The following RAB3C variants were observed in gnomAD, a reference collection of about 807,000 sequenced individuals.
RAB3C encodes ras-related protein Rab-3C.
Under a neutral mutation model 26.4 loss-of-function variants are expected in RAB3C, and 17 were observed. The ratio of observed to expected loss-of-function variants is 0.64; its 90% confidence interval spans 0.44 to 0.97. The LOEUF is 0.97. Among genes scored for constraint, RAB3C ranks in the 50% least tolerant of loss-of-function variants. RAB3C has a pLI of 0.00. For missense variants in RAB3C, 242 were observed against 281.9 expected (o/e 0.86, Z 1.01); for synonymous variants, 91 against 95.9 (o/e 0.95, Z 0.30).
intron 4 of RAB3C, among the ~76,000 whole-genome samples, chr5:58,833,581 TG>T (rs928775524): frequency 5.3e-5 from 8 of 152,094 alleles, no homozygotes; most frequent in African/African-American, 1.9e-4. Context: ...TGGAGGTACC[TG>T]GCCTGAGTAA....
chr5:58,737,211 G>T (rs184381926), intron 3 of RAB3C, among the ~76,000 whole-genome samples: 4 of 151,586 alleles, frequency 2.6e-5, no homozygotes, highest in Non-Finnish European at 4.4e-5. Flanking sequence ...CTACCTGGAA[G>T]TTTTTTCCCT....
At chr5:58,822,626 A>G (rs1743368820) in intron 3 of RAB3C, 2 of 319,674 alleles carry the variant, frequency 6.3e-6, no homozygotes, top group South Asian at 3.5e-5. Flanking sequence ...CAGGATAAAA[A>G]TAAATACAAC....
At chr5:58,719,729 A>G (rs1740701867) in intron 2 of RAB3C, among the ~76,000 whole-genome samples, 1 of 151,930 alleles carries the variant, frequency 6.6e-6, no homozygotes, top group South Asian at 2.1e-4. Flanking sequence ...CTCTGCCTTT[A>G]CATGGCTTTC....
intron 3 of RAB3C, among the ~76,000 whole-genome samples, chr5:58,764,091 A>G (rs745665763): frequency 4.6e-5 from 7 of 152,242 alleles, no homozygotes; most frequent in Non-Finnish European, 8.8e-5. Context: ...GGTATCATAT[A>G]TCAAATTTTG....
intron 3 of RAB3C, among the ~76,000 whole-genome samples, chr5:58,727,961 A>G (rs1019374330): frequency 1.3e-5 from 2 of 151,954 alleles, no homozygotes; most frequent in Non-Finnish European, 2.9e-5. Flanking sequence ...TAAACCATTC[A>G]TTGTTTCTGA....
chr5:58,724,386 A>C (rs570463353), intron 2 of RAB3C, among the ~76,000 whole-genome samples: 1 of 151,824 alleles, frequency 6.6e-6, no homozygotes, highest in Non-Finnish European at 1.5e-5. Context: ...TCAAACATAC[A>C]TACAAAGCAG....
chr5:58,767,680 G>A (rs554163982), intron 3 of RAB3C, among the ~76,000 whole-genome samples: 15 of 152,262 alleles, frequency 9.9e-5, no homozygotes, highest in African/African-American at 2.9e-4. Flanking sequence ...ACTAGCATTC[G>A]TTAGGTACTC....
chr5:58,793,290 G>A (rs1008492286), intron 3 of RAB3C, among the ~76,000 whole-genome samples: 3 of 152,164 alleles, frequency 2.0e-5, no homozygotes, highest in African/African-American at 7.2e-5. Context: ...CGGGCGCGGT[G>A]GCTCGTGCCT....
At chr5:58,585,060 A>T (rs1024218281) in intron 1 of RAB3C, among the ~76,000 whole-genome samples, 1 of 152,064 alleles carries the variant, frequency 6.6e-6, no homozygotes, top group African/African-American at 2.4e-5. Flanking sequence ...TCATATTTAT[A>T]ATGTATTTTT....
chr5:58,729,691 A>G (rs879879046), intron 3 of RAB3C, among the ~76,000 whole-genome samples: 24 of 148,016 alleles, frequency 1.6e-4, no homozygotes, highest in Non-Finnish European at 2.5e-4. Context: ...GTGTTACATA[A>G]TGTACATTGT....
chr5:58,786,400 A>G (rs765829425), intron 3 of RAB3C, among the ~76,000 whole-genome samples: 17 of 151,970 alleles, frequency 1.1e-4, no homozygotes, highest in Non-Finnish European at 2.5e-4. Context: ...TATAGGTGCA[A>G]TCTTGGTGGG....
chr5:58,805,282 G>A (rs1446636629), intron 3 of RAB3C, among the ~76,000 whole-genome samples: 2 of 152,022 alleles, frequency 1.3e-5, no homozygotes, highest in African/African-American at 4.8e-5. Flanking sequence ...AGAGCCAAAT[G>A]GGCAGTATAG....
chr5:58,588,679 T>G (rs747987099), intron 1 of RAB3C, among the ~76,000 whole-genome samples: 5 of 152,098 alleles, frequency 3.3e-5, no homozygotes, highest in African/African-American at 4.8e-5. Flanking sequence ...TAGTGCCTTT[T>G]GGTGAGGATT....
intron 2 of RAB3C, among the ~76,000 whole-genome samples, chr5:58,655,608 A>G (rs1384905584): frequency 6.6e-6 from 1 of 152,146 alleles, no homozygotes; most frequent in East Asian, 1.9e-4. Context: ...TTTTTTTTAA[A>G]AAGAGCAAGG....
At chr5:58,649,829 T>C (rs1040348069) in intron 2 of RAB3C, among the ~76,000 whole-genome samples, 1 of 152,172 alleles carries the variant, frequency 6.6e-6, no homozygotes, top group Non-Finnish European at 1.5e-5. Flanking sequence ...AACACATCTC[T>C]GCTAACGTTT....
At chr5:58,742,619 T>G (rs1741300498) in intron 3 of RAB3C, among the ~76,000 whole-genome samples, 1 of 152,242 alleles carries the variant, frequency 6.6e-6, no homozygotes, top group African/African-American at 2.4e-5. Flanking sequence ...TGCTTTGTTA[T>G]CATTTAAATT....
At chr5:58,677,578 T>A (rs1314481854) in intron 2 of RAB3C, among the ~76,000 whole-genome samples, 5 of 152,216 alleles carry the variant, frequency 3.3e-5, no homozygotes, top group Non-Finnish European at 7.3e-5. Context: ...CTCCAGAGCC[T>A]AGCAAAATGA....
At position 58,605,829 on chromosome 5, in the gene RAB3C, C is replaced by T. The variant is rs556454189; in HGVS notation, c.25-11814C>T. Among the ~76,000 whole-genome samples, 18 of 152,220 alleles carry T rather than the reference C, an allele frequency of 1.2e-4. No individual in the cohort carries two copies. The South Asian group carries it at 1.2e-3, about 11-fold the overall frequency. On this transcript the variant is annotated intron_variant, in intron 1 of 4. Transcript: ENST00000282878. ...CTGAGACAGGAGTCTCGCTTACACC[C>T]GGGAGGTAGAGGTTGCGGTGAGCCA...
At chr5:58,604,733 C>G (rs1020862261) in intron 1 of RAB3C, among the ~76,000 whole-genome samples, 1 of 152,198 alleles carries the variant, frequency 6.6e-6, no homozygotes, top group Non-Finnish European at 1.5e-5. Context: ...CTGTCTGCCT[C>G]CCAGCTGTGA....
Sources: allele counts gnomAD v4.1 joint callset (sites outside exome capture counted in the v4.1 genomes callset), GRCh38; gene constraint gnomAD v4.1.1; transcripts MANE v1.5; gene names NCBI Gene and HGNC (gene_info 2026-07-23, HGNC 2026-07-21).